Variants in NFIC observed in about 807,000 individuals in gnomAD.
The protein encoded by NFIC is nuclear factor 1 C-type.
A neutral mutation model predicts 54.4 loss-of-function variants in NFIC; 12 were observed. The ratio of observed to expected loss-of-function variants is 0.22; its 90% CI spans 0.14 to 0.36. The LOEUF is 0.36. Ranked by LOEUF, NFIC falls within the 10% of genes least tolerant of loss-of-function variation. The probability of loss-of-function intolerance (pLI) is 1.00; values close to 1 mark genes in which losing one functional copy is unlikely to be tolerated. For synonymous variants in NFIC, 322 were observed against 319.2 expected (o/e 1.01, Z -0.09); for missense variants, 575 against 718.2 (o/e 0.80, Z 2.28).
At chr19:3,433,454 T>A (rs1231537332) in intron 3 of NFIC, 64 bp from the exon 4 acceptor site, 1 of 1,569,394 alleles carries the variant, frequency 6.4e-7, no homozygotes, top group East Asian at 2.3e-5. Context: ...CAGGCAGCCC[T>A]GGAGTGTGGG....
At chr19:3,435,316 TG>T (rs1183888286) in intron 6 of NFIC, 109 bp downstream of exon 6, 1 of 1,400,912 alleles carries the variant, frequency 7.1e-7, no homozygotes, top group Non-Finnish European at 9.4e-7. Context: ...GAAGCCGGCC[TG>T]GAGCCGCGGG....
At chr19:3,430,243 T>C (rs1002455287) in intron 3 of NFIC, among the ~76,000 whole-genome samples, 14 of 150,288 alleles carry the variant, frequency 9.3e-5, no homozygotes, top group Admixed American at 2.0e-4. Context: ...CCAGAACCTT[T>C]CTTTTTTTTT....
intron 10 of NFIC, among the ~76,000 whole-genome samples, chr19:3,457,320 C>T (rs1352446925): frequency 6.6e-6 from 1 of 152,198 alleles, no homozygotes; most frequent in Admixed American, 6.5e-5. Context: ...AGAAGGCAGG[C>T]AGGCAGGCAG....
chr19:3,399,820 G>A lies in NFIC; in HGVS notation c.562+17577G>A, dbSNP rs139775408. ...TGGGAGGCGGAGATTGTAGTGAGCC[G>A]AGATCGTGCCACTGCACTCTAGCCT... On this transcript the variant is annotated intron_variant, in intron 2 of 10. Transcript: ENST00000443272. Among the ~76,000 whole-genome samples, 272 of 152,204 alleles carry A rather than the reference G, an allele frequency of 1.8e-3. 1 individual carries two copies. Among genetic ancestry groups the A allele is most frequent in the Non-Finnish European group, 3.3e-3 (224 of 68,006 alleles).
Position 3,375,125 on chromosome 19 carries a change from T to TAA in NFIC, c.31-6587_31-6586insAA. On this transcript the variant is annotated intron_variant, in intron 1 of 10. Coordinates refer to ENST00000443272, the MANE Select transcript of NFIC (RefSeq NM_001245002.2). The surrounding 1 kb of genome is among the most constrained non-coding windows in gnomAD (Gnocchi z 4.6). ...GAGAGGGGAAGTGGGGAGGGGGAAT[T>TAA]CAGAGAGAGAGGGGGGTTGGGGAGA... 9.1e-6 allele frequency among the ~76,000 whole-genome samples: 1 copy of TAA among 109,816 alleles called. No individual in the cohort carries two copies. The highest frequency in any genetic ancestry group is 4.0e-5 in the African/African-American group (1 of 25,110). 72.0% of individuals were successfully genotyped at this position (109,816 alleles called of 152,430 possible).
At chr19:3,392,106 C>G (rs1023724462) in intron 2 of NFIC, among the ~76,000 whole-genome samples, 1 of 126,222 alleles carries the variant, frequency 7.9e-6, no homozygotes, top group Non-Finnish European at 1.6e-5. Flanking sequence ...GAGTCTTGCT[C>G]TGTCTCCCAG....
At chr19:3,423,622 T>G (rs1026482890) in intron 2 of NFIC, among the ~76,000 whole-genome samples, 2 of 152,128 alleles carry the variant, frequency 1.3e-5, no homozygotes, top group African/African-American at 4.8e-5. Flanking sequence ...CGGATGTGAC[T>G]CGTCCTGCAT....
Position 3,463,125 on chromosome 19 carries a change from C to G in NFIC, c.*356C>G. On this transcript the variant is annotated 3_prime_UTR_variant, in exon 11 of 11. Transcript: ENST00000443272. ...CGTCTTCCTAAGTTATTCATCTCCT[C>G]TCCGCCTGCTGCTCGGGAAGGACAG... is the stretch of plus-strand genomic sequence containing the variant. The G allele has an allele frequency of 8.6e-7, 1 of 1,159,260 alleles. No individual in the cohort carries two copies. Among genetic ancestry groups the G allele is most frequent in the Admixed American group, 4.8e-5 (1 of 20,732 alleles). 71.8% of individuals were successfully genotyped at this position (1,159,260 alleles called of 1,614,324 possible).
chr19:3,433,703 G>C (rs1188689433), intron 4 of NFIC, 111 bp downstream of exon 4: 17 of 1,200,386 alleles, frequency 1.4e-5, no homozygotes, highest in Non-Finnish European at 2.0e-5. Context: ...ACAACCCCCT[G>C]TGTCACTAAG....
Position 3,467,753 on chromosome 19 carries a change from C to CTGTACATATATATATA in NFIC, c.*4985_*4986insGTACATATATATATAT, listed in dbSNP as rs2082734165. 1 of 31,796 alleles carries CTGTACATATATATATA rather than the reference C, an allele frequency of 3.1e-5. No homozygotes were observed. The highest frequency in any genetic ancestry group is 3.7e-4 in the Admixed American group (1 of 2,716). 2.0% of individuals were successfully genotyped at this position (31,796 alleles called of 1,614,324 possible). A position where few individuals can be genotyped will look rare whatever the true frequency, so the allele number is the denominator to read the frequency against. ...CTTTGACCTCCAGTGTAGGGCTATA[C>CTGTACATATATATATA]TATACATATATATATATATATATAT... On this transcript the variant is annotated 3_prime_UTR_variant, in exon 11 of 11. Transcript: ENST00000443272.
chr19:3,379,047 C>CGTTTTTTG (rs2081154135), intron 1 of NFIC, among the ~76,000 whole-genome samples: 1 of 151,884 alleles, frequency 6.6e-6, no homozygotes, highest in Non-Finnish European at 1.5e-5. Flanking sequence ...CTTTCGTAGT[C>CGTTTTTTG]ATTTTTTGTT....
upstream of NFIC, among the ~76,000 whole-genome samples, chr19:3,365,037 C>T (rs911345277): frequency 3.3e-5 from 5 of 152,144 alleles, no homozygotes; most frequent in Non-Finnish European, 7.4e-5. Context: ...TGAATAATGT[C>T]ACCGTCATGC....
chr19:3,423,482 T>C (rs2081983725), intron 2 of NFIC, among the ~76,000 whole-genome samples: 1 of 152,048 alleles, frequency 6.6e-6, no homozygotes, highest in Non-Finnish European at 1.5e-5. Flanking sequence ...TCGACGTTGG[T>C]TGCTGCCACC....
intron 2 of NFIC, among the ~76,000 whole-genome samples, chr19:3,388,705 G>A (rs2081335397): frequency 6.6e-6 from 1 of 152,108 alleles, no homozygotes; most frequent in Non-Finnish European, 1.5e-5. Flanking sequence ...GTGTGTACCT[G>A]TAGTCCCAGC....
At chr19:3,430,198 C>CAA (rs1485933131) in intron 3 of NFIC, among the ~76,000 whole-genome samples, 1 of 151,678 alleles carries the variant, frequency 6.6e-6, no homozygotes, top group Non-Finnish European at 1.5e-5. Context: ...GTGTCCAAGT[C>CAA]AAAGTGCACT....
At chr19:3,454,050 A>G in intron 9 of NFIC, 134 bp downstream of exon 9, 1 of 1,381,608 alleles carries the variant, frequency 7.2e-7, no homozygotes, top group Non-Finnish European at 9.3e-7. Flanking sequence ...GTCTCCGGAA[A>G]ACAGCCCAGT....
At chr19:3,372,579 G>A (rs981706495) in intron 1 of NFIC, among the ~76,000 whole-genome samples, 8 of 152,212 alleles carry the variant, frequency 5.3e-5, no homozygotes, top group Admixed American at 2.6e-4. Flanking sequence ...TGAGGATGTG[G>A]TGTGCGACCG....
In NFIC at chr19:3,463,155, C is replaced by T. The variant is rs2082666122; in HGVS notation, c.*386C>T. The stretch of plus-strand genomic sequence containing the variant: ...CCTGCTGCTCGGGAAGGACAGACGC[C>T]GGCCGCCCGCCCGCGCCCCGGAGGC... On this transcript the variant is annotated 3_prime_UTR_variant, in exon 11 of 11. Transcript: ENST00000443272. 1 of 1,084,652 alleles carries T rather than the reference C, an allele frequency of 9.2e-7. No individual in the cohort carries two copies. The highest frequency in any genetic ancestry group is 7.9e-5 in the East Asian group (1 of 12,728). 67.2% of individuals were successfully genotyped at this position (1,084,652 alleles called of 1,614,324 possible).
At position 3,464,073 on chromosome 19, in the gene NFIC, G is replaced by A. The variant is rs1169873100; in HGVS notation, c.*1304G>A. The A allele has an allele frequency of 1.0e-6, 1 of 984,664 alleles. No homozygotes were observed. The highest frequency in any genetic ancestry group is 1.2e-4 in the East Asian group (1 of 8,640). The allele number at this position is 984,664 out of a possible 1,614,324, so 61.0% of individuals were successfully genotyped here. ...GGGGGTGGGCTCTGGGGAAGCCGGT[G>A]CGCCCCCCACGCCTCCGCTGCCAGT... is the stretch of plus-strand genomic sequence containing the variant. On this transcript the variant is annotated 3_prime_UTR_variant, in exon 11 of 11. Coordinates refer to ENST00000443272, the MANE Select transcript of NFIC (RefSeq NM_001245002.2).
Sources: gnomAD v4.1 joint callset for allele counts (sites outside exome capture counted in the v4.1 genomes callset) on GRCh38, gnomAD v4.1.1 for gene constraint, Gnocchi (gnomAD v3.1) non-coding constraint, MANE v1.5 for transcripts, NCBI Gene and HGNC (gene_info 2026-07-23, HGNC 2026-07-21) for gene names.